SIPA1L2: variants seen among roughly 807,000 people sequenced by gnomAD.
SIPA1L2 encodes signal induced proliferation associated 1 like 2.
Under a neutral mutation model 163.9 loss-of-function variants are expected in SIPA1L2, and 56 were observed. That is an observed-to-expected ratio of 0.34 (90% confidence interval 0.28 to 0.43). The LOEUF is 0.43. SIPA1L2 is among the 20% of genes least tolerant of loss of function. The pLI, the probability that SIPA1L2 is intolerant of heterozygous loss-of-function variation, is 1.00. For synonymous variants in SIPA1L2, 877 were observed against 865.7 expected (o/e 1.01, Z -0.23); for missense variants, 1,974 against 2,193.5 (o/e 0.90, Z 2.00).
chr1:232,479,655 A>G lies in SIPA1L2; in HGVS notation c.2057T>C (p.Leu686Pro). 1.2e-6 allele frequency: 2 copies of G among 1,613,760 alleles called. No individual in the cohort carries two copies. The highest frequency in any genetic ancestry group is 1.7e-6 in the Non-Finnish European group (2 of 1,179,748). The stretch of plus-strand genomic sequence containing the variant: ...TTGTCTGTTGTTGGGCATGTAGGGA[A>G]GCAGGGTTGACACGTGGAACATGAG... ...YELMFHVSTL[L>P]PYMPNNRQQL... The change falls in exon 7 of 23, where the codon CTT (leucine) becomes CCT (proline). Residue 686 changes from leucine (L) to proline (P), a missense_variant. Leu to Pro is a moderately conservative substitution (Grantham distance 98). Around this residue, in one of 3 missense-constraint regions of SIPA1L2, gnomAD observed 288 missense variants for 418.9 expected, o/e 0.69. Coordinates refer to ENST00000674635, the MANE Select transcript of SIPA1L2 (RefSeq NM_020808.5).
intron 3 of SIPA1L2, among the ~76,000 whole-genome samples, chr1:232,512,107 C>A (rs544150790): frequency 2.0e-5 from 3 of 152,096 alleles, no homozygotes; most frequent in Non-Finnish European, 4.4e-5. Flanking sequence ...ATGCGGCCAA[C>A]AAACATATGA....
chr1:232,612,680 T>C (rs1662308507), intron 1 of SIPA1L2, among the ~76,000 whole-genome samples: 1 of 152,186 alleles, frequency 6.6e-6, no homozygotes, highest in Non-Finnish European at 1.5e-5. Context: ...ATCTAAGAAG[T>C]AATTGGCTTG....
intron 7 of SIPA1L2, among the ~76,000 whole-genome samples, chr1:232,475,319 T>A (rs1036240854): frequency 3.3e-5 from 5 of 152,158 alleles, no homozygotes; most frequent in Admixed American, 3.3e-4. Flanking sequence ...CCTGGAAAGC[T>A]CCTCCCCTTC....
At chr1:232,551,590 T>C (rs1030312168) in intron 2 of SIPA1L2, among the ~76,000 whole-genome samples, 1 of 152,020 alleles carries the variant, frequency 6.6e-6, no homozygotes, top group Non-Finnish European at 1.5e-5. Flanking sequence ...GAGGCCCCAG[T>C]GGGGGAGGTG....
intron 2 of SIPA1L2, among the ~76,000 whole-genome samples, chr1:232,556,336 TTAAAGATAACCA>T (rs1658700750): frequency 2.0e-5 from 3 of 152,212 alleles, no homozygotes. Flanking sequence ...GTTGCTTAAG[TTAAAGATAACCA>T]AATAATTATC....
chr1:232,590,903 A>G (rs553394046), intron 1 of SIPA1L2, among the ~76,000 whole-genome samples: 1 of 152,364 alleles, frequency 6.6e-6, no homozygotes, highest in South Asian at 2.1e-4. Flanking sequence ...CAGACAATAC[A>G]AACAGGAAGG....
At chr1:232,572,775 ATATATTT>A (rs1659864180) in intron 2 of SIPA1L2, among the ~76,000 whole-genome samples, 2 of 111,048 alleles carry the variant, frequency 1.8e-5, no homozygotes, top group Non-Finnish European at 3.7e-5. Flanking sequence ...ATATATATAT[ATATATTT>A]ATTTATTTAT....
intron 21 of SIPA1L2, among the ~76,000 whole-genome samples, chr1:232,403,095 C>A (rs185511191): frequency 6.6e-6 from 1 of 152,332 alleles, no homozygotes; most frequent in East Asian, 1.9e-4. Context: ...GAAGGCCAAT[C>A]GGCGAGTTAT....
At chr1:232,536,212 G>A (rs1486988018) in intron 2 of SIPA1L2, among the ~76,000 whole-genome samples, 1 of 152,150 alleles carries the variant, frequency 6.6e-6, no homozygotes, top group Non-Finnish European at 1.5e-5. Context: ...TTCCAGCTTG[G>A]GCCTGAGGCA....
intron 5 of SIPA1L2, among the ~76,000 whole-genome samples, chr1:232,485,556 G>A (rs1334629158): frequency 6.6e-6 from 1 of 152,158 alleles, no homozygotes; most frequent in Non-Finnish European, 1.5e-5. Context: ...CAATAAAAAT[G>A]CCTAACCTCA....
intron 14 of SIPA1L2, among the ~76,000 whole-genome samples, chr1:232,439,917 GGTTCC>G (rs1369101782): frequency 6.6e-6 from 1 of 152,180 alleles, no homozygotes; most frequent in Non-Finnish European, 1.5e-5. Flanking sequence ...AGAAGACTTA[GGTTCC>G]AGTCACAAAG....
intron 3 of SIPA1L2, among the ~76,000 whole-genome samples, chr1:232,511,393 G>C (rs1380102004): frequency 6.6e-6 from 1 of 152,176 alleles, no homozygotes; most frequent in African/African-American, 2.4e-5. Flanking sequence ...CACACTAAGT[G>C]ACCAGATGCA....
At chr1:232,587,456 C>G (rs1660732130) in intron 1 of SIPA1L2, among the ~76,000 whole-genome samples, 1 of 152,144 alleles carries the variant, frequency 6.6e-6, no homozygotes, top group African/African-American at 2.4e-5. Flanking sequence ...GAACCACGGG[C>G]CCCTTAGGAT....
At chr1:232,486,881 G>T (rs1665672620) in intron 5 of SIPA1L2, among the ~76,000 whole-genome samples, 1 of 152,200 alleles carries the variant, frequency 6.6e-6, no homozygotes, top group Non-Finnish European at 1.5e-5. Context: ...ATAATATAAA[G>T]TAAAGGAGGG....
chr1:232,527,754 C>G (rs1667779837), intron 2 of SIPA1L2, among the ~76,000 whole-genome samples: 1 of 76,172 alleles, frequency 1.3e-5, no homozygotes. Flanking sequence ...TTTTTTGAGA[C>G]AGGGTCTCAC....
intron 7 of SIPA1L2, among the ~76,000 whole-genome samples, chr1:232,477,310 T>C (rs1465508225): frequency 6.6e-6 from 1 of 152,204 alleles, no homozygotes; most frequent in African/African-American, 2.4e-5. Context: ...TGGCTCTATA[T>C]CTAATGAATT....
intron 2 of SIPA1L2, among the ~76,000 whole-genome samples, chr1:232,558,897 GT>G (rs1416812108): frequency 2.0e-5 from 3 of 152,186 alleles, no homozygotes; most frequent in African/African-American, 7.2e-5. Context: ...ACCTCTCAGG[GT>G]AGAAGTGTCA....
At chr1:232,521,425 T>C (rs1278565050) in intron 2 of SIPA1L2, among the ~76,000 whole-genome samples, 1 of 152,200 alleles carries the variant, frequency 6.6e-6, no homozygotes, top group Non-Finnish European at 1.5e-5. Flanking sequence ...ACCCATATTA[T>C]GAGTTTCCTT....
Position 232,399,185 on chromosome 1 carries a change from G to A in SIPA1L2, c.5111C>T (p.Thr1704Ile). ...TTCTGTGAATTTCCGCAGCTGAGCTGTCGCGGTCTGGGACTCCTCCTGCAG... is the reference window on the plus strand; with the variant it reads ...TTCTGTGAATTTCCGCAGCTGAGCTATCGCGGTCTGGGACTCCTCCTGCAG... ...MRLQEESQTA[T>I]AQLRKFTEWF... Residue 1704 changes from threonine (T) to isoleucine (I), a missense_variant, in exon 23 of 23, where the codon ACA becomes ATA. Thr to Ile is a moderately conservative substitution (Grantham distance 89). Around this residue, in one of 3 missense-constraint regions of SIPA1L2, gnomAD observed 1,079 missense variants for 1,150.7 expected, o/e 0.94. Coordinates refer to ENST00000674635, the MANE Select transcript of SIPA1L2 (RefSeq NM_020808.5). The A allele has an allele frequency of 6.2e-7, 1 of 1,613,934 alleles. No individual in the cohort carries two copies. The highest frequency in any genetic ancestry group is 1.1e-5 in the South Asian group (1 of 91,070).
Sources: allele counts gnomAD v4.1 joint callset (sites outside exome capture counted in the v4.1 genomes callset), GRCh38; gene constraint gnomAD v4.1.1; regional missense constraint gnomAD v4.1.1; transcripts MANE v1.5; gene names NCBI Gene and HGNC (gene_info 2026-07-23, HGNC 2026-07-21).